KIF5C: variants seen among roughly 807,000 people sequenced by gnomAD.
The protein encoded by KIF5C is kinesin family member 5C.
In KIF5C, 18 loss-of-function variants were observed where a neutral mutation model predicts 125.2. The observed-to-expected ratio is 0.14, with a 90% CI of 0.10 to 0.21. KIF5C has a LOEUF of 0.21. Ranked by LOEUF, KIF5C falls within the 10% of genes least tolerant of loss-of-function variation. The pLI, the probability that KIF5C is intolerant of heterozygous loss-of-function variation, is 1.00. For synonymous variants in KIF5C, 405 were observed against 434.0 expected (o/e 0.93, Z 0.83); for missense variants, 780 against 1,183.8 (o/e 0.66, Z 5.01).
chr2:148,898,394 A>T (rs1295692813), intron 1 of KIF5C, among the ~76,000 whole-genome samples: 1 of 152,246 alleles, frequency 6.6e-6, no homozygotes, highest in African/African-American at 2.4e-5. Context: ...AATGGCCCTG[A>T]AAGATGTCCA....
chr2:148,958,480 T>C (rs1390329679), intron 10 of KIF5C, among the ~76,000 whole-genome samples: 1 of 152,216 alleles, frequency 6.6e-6, no homozygotes, highest in Non-Finnish European at 1.5e-5. Context: ...GCACTTCTTT[T>C]ATAAAGTGCC....
chr2:148,904,462 C>T (rs558191889), intron 1 of KIF5C, among the ~76,000 whole-genome samples: 71 of 152,092 alleles, frequency 4.7e-4, no homozygotes, highest in Non-Finnish European at 9.3e-4. Context: ...TGTCGTGCTG[C>T]GTTTGGCATG....
chr2:148,905,065 A>T (rs574072989), intron 1 of KIF5C, among the ~76,000 whole-genome samples: 1 of 152,280 alleles, frequency 6.6e-6, no homozygotes, highest in East Asian at 1.9e-4. Context: ...GCTCATTAGT[A>T]TTGCTTTGTT....
chr2:148,896,390 G>A (rs1348737944), intron 1 of KIF5C, among the ~76,000 whole-genome samples: 1 of 152,228 alleles, frequency 6.6e-6, no homozygotes, highest in Non-Finnish European at 1.5e-5. Context: ...CTTGAAGCCT[G>A]AGTATTGGAA....
intron 1 of KIF5C, 135 bp downstream of exon 1, chr2:148,875,878 C>A (rs1206104319): frequency 2.4e-6 from 3 of 1,264,330 alleles, no homozygotes; most frequent in Non-Finnish European, 3.2e-6. Context: ...GTGGACCTGA[C>A]CAGAGACCCC....
chr2:148,917,081 T>A (rs1470644892), intron 1 of KIF5C, among the ~76,000 whole-genome samples: 1 of 152,240 alleles, frequency 6.6e-6, no homozygotes, highest in Non-Finnish European at 1.5e-5. Context: ...CTTTGCCCAT[T>A]TTTAATTCCT....
intron 10 of KIF5C, among the ~76,000 whole-genome samples, chr2:148,956,716 G>A (rs1682800406): frequency 6.6e-6 from 1 of 152,200 alleles, no homozygotes; most frequent in Non-Finnish European, 1.5e-5. Flanking sequence ...CTGAATTAAA[G>A]TTCTTTCCCA....
rs375953343 is a variant in KIF5C at position 148,973,320 on chromosome 2, C to T, written c.1118-16C>T. On this transcript the variant is annotated splice_polypyrimidine_tract_variant and intron_variant, in intron 11 of 25. Coordinates refer to ENST00000435030, the MANE Select transcript of KIF5C (RefSeq NM_004522.3). ...AATTTCTTTAATCCCCAACTCTGCT[C>T]GGCTATGTTTTGCAGGAGAAGCTGT... 6.0e-5 allele frequency: 97 copies of T among 1,604,082 alleles called. 1 individual carries two copies. The East Asian group carries it at 6.5e-4, about 11-fold the overall frequency.
At chr2:148,941,496 C>T (rs1183055567) in intron 4 of KIF5C, 114 bp from the exon 5 acceptor site, 35 of 1,385,202 alleles carry the variant, frequency 2.5e-5, no homozygotes, top group Non-Finnish European at 3.3e-5. Context: ...ACTTTGAACC[C>T]CTCTTCTTAC....
intron 14 of KIF5C, 44 bp from the exon 15 acceptor site, chr2:148,983,576 T>G (rs752074130): frequency 6.7e-7 from 1 of 1,501,120 alleles, no homozygotes; most frequent in Non-Finnish European, 8.9e-7. Flanking sequence ...TGTATGAAAT[T>G]GATGGGCAAC....
At chr2:148,961,293 T>C (rs1388748919) in intron 10 of KIF5C, among the ~76,000 whole-genome samples, 1 of 151,654 alleles carries the variant, frequency 6.6e-6, no homozygotes, top group Non-Finnish European at 1.5e-5. Context: ...TGACGGGCTG[T>C]GATGGGGGGG....
At chr2:148,992,862 A>G (rs1195229639) in intron 16 of KIF5C, among the ~76,000 whole-genome samples, 1 of 152,244 alleles carries the variant, frequency 6.6e-6, no homozygotes, top group East Asian at 1.9e-4. Context: ...TGTGATTTCT[A>G]GGTCATCTAT....
chr2:149,020,579 G>A (rs1053746471), intron 25 of KIF5C, among the ~76,000 whole-genome samples: 2 of 152,130 alleles, frequency 1.3e-5, no homozygotes, highest in East Asian at 1.9e-4. Flanking sequence ...TGCTTGCTGT[G>A]TCAACACGGT....
intron 11 of KIF5C, among the ~76,000 whole-genome samples, chr2:148,964,943 G>T (rs961737464): frequency 6.6e-6 from 1 of 152,120 alleles, no homozygotes; most frequent in African/African-American, 2.4e-5. Context: ...TGAGATGATG[G>T]TATTGAAGTG....
intron 15 of KIF5C, among the ~76,000 whole-genome samples, chr2:148,984,730 G>C (rs1207265105): frequency 6.6e-6 from 1 of 152,160 alleles, no homozygotes; most frequent in African/African-American, 2.4e-5. Flanking sequence ...AATTGGCATA[G>C]ACCAATCATG....
At chr2:148,985,146 TA>T (rs1240099417) in intron 15 of KIF5C, among the ~76,000 whole-genome samples, 4 of 151,930 alleles carry the variant, frequency 2.6e-5, no homozygotes, top group Non-Finnish European at 5.9e-5. Context: ...GTGGGGATAA[TA>T]GGGGTGGTAT....
rs1682639980 is a variant in KIF5C, at chr2:149,024,684, T to C, written c.*1614T>C. 1.3e-5 allele frequency: 2 copies of C among 152,590 alleles called. No individual in the cohort carries two copies. Among genetic ancestry groups the C allele is most frequent in the South Asian group, 4.1e-4 (2 of 4,832 alleles). 9.5% of individuals were successfully genotyped at this position (152,590 alleles called of 1,614,324 possible). A position where few individuals can be genotyped will look rare whatever the true frequency, so the allele number is the denominator to read the frequency against. On this transcript the variant is annotated 3_prime_UTR_variant, in exon 26 of 26. Transcript: ENST00000435030. ...TTAAATGTTGCACTTTGTTTATGTA[T>C]GTTTTGTTTTTGGTGGGGAATAAGG...
rs1279261612 is a variant in KIF5C at position 149,010,158 on chromosome 2, G to A, written c.2574G>A (p.Leu858=). ...AGCTGGTCCGGGACAACGCAGACCTGCGCTGTGAACTGCCCAAGCTGGAGA... is the reference window on the plus strand; with the variant it reads ...AGCTGGTCCGGGACAACGCAGACCTACGCTGTGAACTGCCCAAGCTGGAGA... ...HKQLVRDNAD[L]RCELPKLEKR... Residue 858 remains leucine (L), a synonymous_variant, in exon 24 of 26, where the codon CTG becomes CTA. Coordinates refer to ENST00000435030, the MANE Select transcript of KIF5C (RefSeq NM_004522.3). 16 of 1,552,058 alleles carry A rather than the reference G, an allele frequency of 1.0e-5. No homozygotes were observed. The highest frequency in any genetic ancestry group is 1.3e-5 in the Non-Finnish European group (15 of 1,147,316).
In KIF5C at chr2:148,941,582, A is replaced by G. The variant is rs974452671; in HGVS notation, c.397-28A>G. The G allele has an allele frequency of 2.6e-6, 4 of 1,553,352 alleles. No homozygotes were observed. The African/African-American group carries it at 5.5e-5, about 21-fold the overall frequency. Reference sequence around the variant, plus strand: ...TTTTGAAATACACTGCGGCATGTCTATTCCAAGCTCAATTTGTTTTTAACT... The same window carrying G: ...TTTTGAAATACACTGCGGCATGTCTGTTCCAAGCTCAATTTGTTTTTAACT... On this transcript the variant is annotated intron_variant, in intron 4 of 25. Transcript: ENST00000435030.
Sources: allele counts gnomAD v4.1 joint callset (sites outside exome capture counted in the v4.1 genomes callset), GRCh38; gene constraint gnomAD v4.1.1; transcripts MANE v1.5; gene names NCBI Gene and HGNC (gene_info 2026-07-23, HGNC 2026-07-21).